The following KIF5C variants were observed in gnomAD, a reference collection of about 807,000 sequenced individuals.
The protein encoded by KIF5C is kinesin heavy chain isoform 5C.
Under a neutral mutation model 125.2 loss-of-function variants are expected in KIF5C, and 18 were observed. The observed-to-expected ratio is 0.14, with a 90% CI of 0.10 to 0.21. The LOEUF is 0.21. Among genes scored for constraint, KIF5C ranks in the 10% least tolerant of loss-of-function variants. The pLI is 1.00. For synonymous variants in KIF5C, 405 were observed against 434.0 expected (o/e 0.93, Z 0.83); for missense variants, 780 against 1,183.8 (o/e 0.66, Z 5.01).
rs755151294 is a variant in KIF5C, at chr2:148,942,777, T to C, written c.589+17T>C. ...CTGTGACAAGTAAGCATGGTGGGGG[T>C]GTTTCCTCCCCTGCAGCTTGGGAGA... On this transcript the variant is annotated intron_variant, in intron 7 of 25. Coordinates refer to ENST00000435030, the MANE Select transcript of KIF5C (RefSeq NM_004522.3). The C allele has an allele frequency of 1.9e-6, 3 of 1,601,404 alleles. No individual in the cohort carries two copies. Among genetic ancestry groups the C allele is most frequent in the Non-Finnish European group, 1.7e-6 (2 of 1,174,162 alleles).
At chr2:148,905,294 GA>G (rs1361270188) in intron 1 of KIF5C, among the ~76,000 whole-genome samples, 3 of 151,998 alleles carry the variant, frequency 2.0e-5, no homozygotes, top group Non-Finnish European at 4.4e-5. Flanking sequence ...GTTTAGAGAG[GA>G]AAAAAAGCAC....
chr2:148,912,155 C>T (rs1681365075), intron 1 of KIF5C, among the ~76,000 whole-genome samples: 2 of 152,074 alleles, frequency 1.3e-5, no homozygotes, highest in South Asian at 4.1e-4. Context: ...TTATTGAGTC[C>T]ATTAGTGGTT....
intron 12 of KIF5C, among the ~76,000 whole-genome samples, chr2:148,975,923 C>T (rs1681050491): frequency 1.3e-5 from 2 of 152,072 alleles, no homozygotes; most frequent in South Asian, 4.1e-4. Context: ...TATTAGCTTC[C>T]TTCTTTCTCC....
At chr2:148,986,620 T>C (rs1681388875) in intron 15 of KIF5C, among the ~76,000 whole-genome samples, 1 of 152,252 alleles carries the variant, frequency 6.6e-6, no homozygotes, top group South Asian at 2.1e-4. Flanking sequence ...ATTCTTTTGA[T>C]ATAGGAAAAT....
intron 1 of KIF5C, among the ~76,000 whole-genome samples, chr2:148,915,656 T>C (rs1471082752): frequency 1.3e-5 from 2 of 152,172 alleles, no homozygotes; most frequent in Non-Finnish European, 2.9e-5. Context: ...TGAAAGAACT[T>C]TGGGAGCAAA....
In KIF5C at chr2:148,937,445, A is replaced by T. The variant is rs1682314095; in HGVS notation, c.396+57A>T. Reference sequence around the variant, plus strand: ...CACTGGGCCCCAGATAACGTTTCTTATACCTCCTCCTTTCAAGAAGATATA... The same window carrying T: ...CACTGGGCCCCAGATAACGTTTCTTTTACCTCCTCCTTTCAAGAAGATATA... On this transcript the variant is annotated intron_variant, in intron 4 of 25. Coordinates refer to ENST00000435030, the MANE Select transcript of KIF5C (RefSeq NM_004522.3). The T allele has an allele frequency of 3.3e-6, 5 of 1,526,896 alleles. No individual in the cohort carries two copies. The Admixed American group carries it at 6.5e-5, about 20-fold the overall frequency. The allele number at this position is 1,526,896 out of a possible 1,614,324, so 94.6% of individuals were successfully genotyped here.
chr2:148,895,393 C>G (rs1681811534), intron 1 of KIF5C, among the ~76,000 whole-genome samples: 1 of 152,160 alleles, frequency 6.6e-6, no homozygotes, highest in Non-Finnish European at 1.5e-5. Flanking sequence ...CTGCCTCAGC[C>G]TCCCAAAGTC....
intron 11 of KIF5C, among the ~76,000 whole-genome samples, chr2:148,962,604 C>T (rs981304234): frequency 1.3e-5 from 2 of 152,124 alleles, no homozygotes; most frequent in African/African-American, 4.8e-5. Flanking sequence ...TTTTCTTAGT[C>T]CCTAACACAG....
intron 8 of KIF5C, chr2:148,947,459 G>A (rs1425936154): frequency 1.0e-5 from 2 of 194,000 alleles, no homozygotes; most frequent in African/African-American, 4.7e-5. Context: ...CTGATAGAAG[G>A]TCTGGAACCT....
intron 18 of KIF5C, chr2:148,997,676 C>A (rs143071356): frequency 7.0e-6 from 2 of 285,720 alleles, no homozygotes; most frequent in Non-Finnish European, 1.3e-5. Context: ...CCAACCTTTA[C>A]GCAGAACACA....
At chr2:148,887,772 CA>C (rs1206780575) in intron 1 of KIF5C, among the ~76,000 whole-genome samples, 1 of 151,874 alleles carries the variant, frequency 6.6e-6, no homozygotes, top group Non-Finnish European at 1.5e-5. Flanking sequence ...AGGCAGGGAC[CA>C]TAGTACCCAG....
chr2:148,955,258 G>T (rs1682763906), intron 10 of KIF5C, among the ~76,000 whole-genome samples: 1 of 152,200 alleles, frequency 6.6e-6, no homozygotes, highest in South Asian at 2.1e-4. Flanking sequence ...TGTCAGCTTG[G>T]CTAGGCCATA....
intron 7 of KIF5C, among the ~76,000 whole-genome samples, chr2:148,944,688 C>G (rs1682483881): frequency 6.6e-6 from 1 of 152,086 alleles, no homozygotes; most frequent in Admixed American, 6.5e-5. Flanking sequence ...CATGGTAATT[C>G]TACTTTCAAT....
intron 3 of KIF5C, among the ~76,000 whole-genome samples, chr2:148,932,795 G>A (rs958853307): frequency 1.3e-5 from 2 of 152,150 alleles, no homozygotes; most frequent in Non-Finnish European, 2.9e-5. Context: ...CTGTCTGAAC[G>A]CACGGTGCTC....
intron 10 of KIF5C, among the ~76,000 whole-genome samples, chr2:148,951,504 C>T (rs750942295): frequency 1.1e-4 from 17 of 152,146 alleles, no homozygotes; most frequent in Non-Finnish European, 5.9e-5. Flanking sequence ...GGCATGTTTC[C>T]TCAGTTCCAG....
At chr2:148,994,982 C>T (rs554444120) in intron 17 of KIF5C, among the ~76,000 whole-genome samples, 1 of 152,224 alleles carries the variant, frequency 6.6e-6, no homozygotes, top group Admixed American at 6.5e-5. Context: ...AGTCAGCCAC[C>T]GTGCCCAGCC....
chr2:148,981,388 A>G lies in KIF5C; in HGVS notation c.1396A>G (p.Ile466Val), dbSNP rs1045803207. 1 of 1,611,560 alleles carries G rather than the reference A, an allele frequency of 6.2e-7. No individual in the cohort carries two copies. The highest frequency in any genetic ancestry group is 1.7e-5 in the Admixed American group (1 of 59,768). ...LASTRRDYEK[I>V]QEELTRLQIE... ...TTCCACAAGAAGAGACTATGAGAAGATACAGGAGGAGCTGACACGTCTCCA... is the reference window on the plus strand; with the variant it reads ...TTCCACAAGAAGAGACTATGAGAAGGTACAGGAGGAGCTGACACGTCTCCA... Residue 466 changes from isoleucine (I) to valine (V), a missense_variant, in exon 14 of 26, where the codon ATA becomes GTA. Around this residue, in one of 2 missense-constraint regions of KIF5C, gnomAD observed 573 missense variants for 742.6 expected, o/e 0.77. Coordinates refer to ENST00000435030, the MANE Select transcript of KIF5C (RefSeq NM_004522.3).
intron 3 of KIF5C, among the ~76,000 whole-genome samples, chr2:148,933,103 T>C (rs1458314212): frequency 4.6e-5 from 7 of 152,106 alleles, no homozygotes; most frequent in Non-Finnish European, 1.0e-4. Context: ...TTAGCTAAAA[T>C]ACACTTTCAC....
intron 11 of KIF5C, among the ~76,000 whole-genome samples, chr2:148,962,389 G>A (rs1682950007): frequency 6.6e-6 from 1 of 151,178 alleles, no homozygotes; most frequent in Non-Finnish European, 1.5e-5. Context: ...ATGTTGGCCA[G>A]GCTGGTCTTG....
Sources: allele counts gnomAD v4.1 joint callset (sites outside exome capture counted in the v4.1 genomes callset), GRCh38; gene constraint gnomAD v4.1.1; regional missense constraint gnomAD v4.1.1; transcripts MANE v1.5; gene names NCBI Gene and HGNC (gene_info 2026-07-23, HGNC 2026-07-21).